The following RNF150 variants were observed in gnomAD, a reference collection of about 807,000 sequenced individuals.
The protein encoded by RNF150 is ring finger protein 150.
Under a neutral mutation model 39.3 loss-of-function variants are expected in RNF150, and 24 were observed. The observed-to-expected ratio is 0.61, with a 90% CI of 0.44 to 0.86. The LOEUF (loss-of-function observed/expected upper bound fraction) is 0.86, where lower values mean the gene tolerates loss of function less well. Among genes scored for constraint, RNF150 ranks in the 40% least tolerant of loss-of-function variants. RNF150 has a pLI of 0.00. For missense variants in RNF150, 502 were observed against 587.8 expected (o/e 0.85, Z 1.51); for synonymous variants, 255 against 227.3 (o/e 1.12, Z -1.10).
At chr4:140,944,051 T>C (rs915037829) in intron 4 of RNF150, among the ~76,000 whole-genome samples, 2 of 152,062 alleles carry the variant, frequency 1.3e-5, no homozygotes, top group African/African-American at 2.4e-5. Context: ...GTGTTTGAAA[T>C]TGAGAAGCTA....
chr4:141,198,775 C>A (rs1477111699), intron 1 of RNF150, among the ~76,000 whole-genome samples: 1 of 152,120 alleles, frequency 6.6e-6, no homozygotes, highest in Non-Finnish European at 1.5e-5. Flanking sequence ...TTGTCTCTGC[C>A]TTCAAAATAA....
chr4:141,172,123 G>A (rs1370439497), intron 1 of RNF150, among the ~76,000 whole-genome samples: 1 of 152,146 alleles, frequency 6.6e-6, no homozygotes, highest in East Asian at 1.9e-4. Flanking sequence ...TCCCTCATGA[G>A]TTTGCTGGTT....
At chr4:140,970,120 G>A (rs1487853272) in intron 1 of RNF150, among the ~76,000 whole-genome samples, 32 of 151,910 alleles carry the variant, frequency 2.1e-4, no homozygotes, top group Non-Finnish European at 1.5e-5. Flanking sequence ...TTCCAGTTTT[G>A]ATACTCTTTA....
chr4:140,863,064 G>A lies in RNF150; in HGVS notation c.*5197C>T, dbSNP rs1728555333. On this transcript the variant is annotated 3_prime_UTR_variant, in exon 7 of 7. Coordinates refer to ENST00000515673, the MANE Select transcript of RNF150 (RefSeq NM_020724.2). The stretch of plus-strand genomic sequence containing the variant: ...CCCATCTTAAGAGGGTAGTCTCTTC[G>A]TGTCTCTTTGTCAGTCTTCAGGAAT... 1 of 152,122 alleles carries A rather than the reference G, an allele frequency of 6.6e-6. No individual in the cohort carries two copies. Among genetic ancestry groups the A allele is most frequent in the Non-Finnish European group, 1.5e-5 (1 of 68,024 alleles). The allele number at this position is 152,122 out of a possible 1,614,324, so 9.4% of individuals were successfully genotyped here. A position where few individuals can be genotyped will look rare whatever the true frequency, so the allele number is the denominator to read the frequency against.
chr4:140,953,316 C>T (rs1195288318), intron 2 of RNF150, among the ~76,000 whole-genome samples: 4 of 152,126 alleles, frequency 2.6e-5, no homozygotes, highest in African/African-American at 7.2e-5. Context: ...CTGTGACATT[C>T]GTTGAGTCAA....
chr4:140,941,564 T>C (rs1732082787), intron 4 of RNF150, among the ~76,000 whole-genome samples: 1 of 152,222 alleles, frequency 6.6e-6, no homozygotes, highest in Non-Finnish European at 1.5e-5. Flanking sequence ...TTAATGAATT[T>C]GAAGTTGTAC....
At chr4:140,992,663 C>T (rs1213419094) in intron 1 of RNF150, among the ~76,000 whole-genome samples, 1 of 152,040 alleles carries the variant, frequency 6.6e-6, no homozygotes, top group Non-Finnish European at 1.5e-5. Context: ...TAACCCTGGC[C>T]CTCCCTGATG....
At chr4:140,915,660 C>A (rs961089350) in intron 5 of RNF150, among the ~76,000 whole-genome samples, 1 of 152,088 alleles carries the variant, frequency 6.6e-6, no homozygotes, top group East Asian at 1.9e-4. Flanking sequence ...TCAGCAAATC[C>A]GCTTAAATGT....
intron 1 of RNF150, among the ~76,000 whole-genome samples, chr4:141,131,588 T>C (rs376691017): frequency 2.6e-5 from 4 of 152,356 alleles, no homozygotes; most frequent in South Asian, 4.1e-4. Context: ...CAAAAGCTTA[T>C]TCTCTCTAGT....
At position 140,898,681 on chromosome 4, in the gene RNF150, T is replaced by C. The variant is rs180908491; in HGVS notation, c.1198+12463A>G. 7.5e-4 allele frequency among the ~76,000 whole-genome samples: 115 copies of C among 152,362 alleles called. 1 individual carries two copies. Among genetic ancestry groups the C allele is most frequent in the Admixed American group, 4.8e-3 (73 of 15,302 alleles). On this transcript the variant is annotated intron_variant, in intron 6 of 6. Transcript: ENST00000515673. ...GCAAGTATTTATGTATCCAACTACA[T>C]ATATTTTTATCTCAGTTTTTTAACA...
intron 1 of RNF150, among the ~76,000 whole-genome samples, chr4:141,200,558 A>G (rs183187671): frequency 2.0e-5 from 3 of 151,884 alleles, no homozygotes; most frequent in African/African-American, 7.2e-5. Context: ...CACTAATCTC[A>G]TTGATGAGGA....
intron 1 of RNF150, among the ~76,000 whole-genome samples, chr4:141,198,838 G>A (rs903915890): frequency 4.6e-5 from 7 of 152,046 alleles, no homozygotes; most frequent in Admixed American, 2.0e-4. Flanking sequence ...ACAAAAGTAG[G>A]CTTTTACAAC....
intron 1 of RNF150, among the ~76,000 whole-genome samples, chr4:141,202,306 G>C (rs993551052): frequency 4.6e-5 from 7 of 151,988 alleles, no homozygotes; most frequent in Admixed American, 6.6e-5. Flanking sequence ...ATGAAATCAG[G>C]GGAGCAAGTT....
At chr4:141,009,546 A>C (rs1734996372) in intron 1 of RNF150, among the ~76,000 whole-genome samples, 1 of 152,194 alleles carries the variant, frequency 6.6e-6, no homozygotes, top group Non-Finnish European at 1.5e-5. Context: ...GTTACTTGCT[A>C]GGAGGACTAA....
At chr4:140,956,952 C>T (rs1313590413) in intron 2 of RNF150, among the ~76,000 whole-genome samples, 9 of 150,762 alleles carry the variant, frequency 6.0e-5, no homozygotes, top group Admixed American at 2.6e-4. Context: ...CATAAAAACC[C>T]TAGAAGAAAA....
intron 1 of RNF150, among the ~76,000 whole-genome samples, chr4:141,040,169 A>C (rs1440784499): frequency 6.6e-6 from 1 of 151,210 alleles, no homozygotes; most frequent in Non-Finnish European, 1.5e-5. Context: ...TAACACAACC[A>C]CACACACACA....
Position 141,094,402 on chromosome 4 carries a change from T to G in RNF150, c.484+37923A>C, listed in dbSNP as rs759043693. Among the ~76,000 whole-genome samples, 3 of 152,360 alleles carry G rather than the reference T, an allele frequency of 2.0e-5. No homozygotes were observed. The South Asian group carries it at 6.2e-4, about 32-fold the overall frequency. On this transcript the variant is annotated intron_variant, in intron 1 of 6. Coordinates refer to ENST00000515673, the MANE Select transcript of RNF150 (RefSeq NM_020724.2). ...TGGAAGCTGAAAGACAATGGAATAT[T>G]GTCTTTAAAATGCTAAGAGTAACTA...
chr4:140,965,947 T>C (rs1258458564), intron 2 of RNF150, among the ~76,000 whole-genome samples: 3 of 152,164 alleles, frequency 2.0e-5, no homozygotes, highest in Admixed American at 6.6e-5. Context: ...ATATGTCAAT[T>C]TGCTTTACTA....
At chr4:141,080,717 T>C (rs997174900) in intron 1 of RNF150, among the ~76,000 whole-genome samples, 1 of 152,170 alleles carries the variant, frequency 6.6e-6, no homozygotes, top group Non-Finnish European at 1.5e-5. Context: ...GCTGTCACCA[T>C]CTAAGCTTAG....
Sources: allele counts gnomAD v4.1 joint callset (sites outside exome capture counted in the v4.1 genomes callset), GRCh38; gene constraint gnomAD v4.1.1; transcripts MANE v1.5; gene names NCBI Gene and HGNC (gene_info 2026-07-23, HGNC 2026-07-21).